The following PDE7B variants were observed in gnomAD, a reference collection of about 807,000 sequenced individuals.
PDE7B encodes phosphodiesterase 7B.
A neutral mutation model predicts 56.2 loss-of-function variants in PDE7B; 29 were observed. The observed-to-expected ratio is 0.52, with a 90% CI of 0.38 to 0.70. The LOEUF (loss-of-function observed/expected upper bound fraction) is 0.70. Ranked by LOEUF, PDE7B falls within the 30% of genes least tolerant of loss-of-function variation. PDE7B has a pLI of 0.00. For missense variants in PDE7B, 490 were observed against 565.0 expected, an observed-to-expected ratio of 0.87 and a Z score of 1.35; for synonymous variants, 197 against 196.9, an observed-to-expected ratio of 1.00 and a Z score of 0.00.
chr6:136,168,984 C>T (rs897091215), intron 8 of PDE7B, among the ~76,000 whole-genome samples: 1 of 152,054 alleles, frequency 6.6e-6, no homozygotes, highest in Non-Finnish European at 1.5e-5. Flanking sequence ...TGTGGTAGCA[C>T]AGAGAAAATT....
chr6:135,946,265 A>G lies in PDE7B; in HGVS notation c.22-1199A>G, dbSNP rs182324432. Among the ~76,000 whole-genome samples the G allele has an allele frequency of 4.0e-5, 6 of 151,102 alleles. No homozygotes were observed. In the East Asian group the frequency reaches 9.7e-4, roughly 24 times the overall value. ...ATATTCCAGATTTTTAATATTATGT[A>G]TTTCATATATACATATTATATATAT... On this transcript the variant is annotated intron_variant, in intron 1 of 12. Transcript: ENST00000308191.
At chr6:136,000,765 G>C (rs1201218451) in intron 2 of PDE7B, among the ~76,000 whole-genome samples, 2 of 152,172 alleles carry the variant, frequency 1.3e-5, no homozygotes, top group African/African-American at 4.8e-5. Flanking sequence ...CACCTCTGGG[G>C]GCAGGGCACA....
At chr6:136,007,546 C>A (rs993814781) in intron 2 of PDE7B, among the ~76,000 whole-genome samples, 1 of 151,836 alleles carries the variant, frequency 6.6e-6, no homozygotes, top group Non-Finnish European at 1.5e-5. Context: ...AATCTTAGTT[C>A]CCCTTTGTGT....
intron 1 of PDE7B, among the ~76,000 whole-genome samples, chr6:135,945,676 G>T (rs1269251437): frequency 6.6e-6 from 1 of 152,130 alleles, no homozygotes; most frequent in African/African-American, 2.4e-5. Context: ...TTACAACAAA[G>T]ATTGATGGGA....
chr6:135,877,036 A>G (rs776600493), intron 1 of PDE7B, among the ~76,000 whole-genome samples: 11 of 151,922 alleles, frequency 7.2e-5, no homozygotes, highest in Non-Finnish European at 1.6e-4. Context: ...ATCTTTAATT[A>G]CCATATATCT....
At chr6:135,934,893 A>G (rs1253565084) in intron 1 of PDE7B, among the ~76,000 whole-genome samples, 1 of 106,862 alleles carries the variant, frequency 9.4e-6, no homozygotes, top group Non-Finnish European at 1.7e-5. Flanking sequence ...ATTTAAATAT[A>G]TATTTAAATA....
chr6:136,037,682 A>T, intron 2 of PDE7B: 1 of 985,340 alleles, frequency 1.0e-6, no homozygotes, highest in Non-Finnish European at 1.2e-6. Flanking sequence ...CTCACCTGAC[A>T]CCTCCAGATA....
chr6:135,863,165 G>T (rs1157684237), intron 1 of PDE7B, among the ~76,000 whole-genome samples: 1 of 151,888 alleles, frequency 6.6e-6, no homozygotes, highest in Non-Finnish European at 1.5e-5. Flanking sequence ...TCAATTAGAA[G>T]ATTTATTCAT....
intron 1 of PDE7B, among the ~76,000 whole-genome samples, chr6:135,911,591 A>C (rs2128193833): frequency 6.6e-6 from 1 of 152,308 alleles, no homozygotes; most frequent in Admixed American, 6.5e-5. Flanking sequence ...CTGTGTTTGA[A>C]TATGATTTTT....
At chr6:135,976,442 AAGGGCTGC>A (rs1775189283) in intron 2 of PDE7B, among the ~76,000 whole-genome samples, 1 of 152,058 alleles carries the variant, frequency 6.6e-6, no homozygotes, top group Non-Finnish European at 1.5e-5. Flanking sequence ...CTACCTGGGG[AAGGGCTGC>A]AGTGATAATA....
At chr6:136,143,411 C>CACTA (rs1304257777) in intron 3 of PDE7B, among the ~76,000 whole-genome samples, 1 of 151,650 alleles carries the variant, frequency 6.6e-6, no homozygotes, top group African/African-American at 2.4e-5. Context: ...GGGAATGAGG[C>CACTA]ACTAGCCTTA....
At chr6:136,091,120 G>A (rs971280110) in intron 2 of PDE7B, among the ~76,000 whole-genome samples, 14 of 152,088 alleles carry the variant, frequency 9.2e-5, no homozygotes, top group Non-Finnish European at 2.1e-4. Context: ...ATGTGGGTTC[G>A]GTTACAAAGT....
rs1039834905 is a variant in PDE7B at position 136,076,404 on chromosome 6, C to T, written c.83-32327C>T. ...AGGAGAATTGCTTGAACCCAGGAGG[C>T]GGAGGTTGCAGTGAGCCAAGATTGC... On this transcript the variant is annotated intron_variant, in intron 2 of 12. Transcript: ENST00000308191. Among the ~76,000 whole-genome samples the T allele has an allele frequency of 2.0e-5, 3 of 151,960 alleles. No individual in the cohort carries two copies. In the East Asian group the frequency reaches 5.8e-4, roughly 29 times the overall value.
At chr6:136,054,049 CTTTAG>C (rs920457275) in intron 2 of PDE7B, among the ~76,000 whole-genome samples, 2 of 151,820 alleles carry the variant, frequency 1.3e-5, no homozygotes, top group Admixed American at 6.6e-5. Flanking sequence ...TGCAGAAGCT[CTTTAG>C]TTTAATTAGA....
intron 1 of PDE7B, among the ~76,000 whole-genome samples, chr6:135,916,388 C>CTTTTTTTTT (rs1242651132): frequency 1.2e-5 from 1 of 83,292 alleles, no homozygotes; most frequent in Non-Finnish European, 2.2e-5. Context: ...CTTTTCTTTT[C>CTTTTTTTTT]TTTCTTTTTT....
intron 1 of PDE7B, among the ~76,000 whole-genome samples, chr6:135,899,696 T>G (rs532076962): frequency 6.6e-6 from 1 of 152,138 alleles, no homozygotes; most frequent in East Asian, 1.9e-4. Context: ...AGTATACAAA[T>G]ATAATAATTT....
chr6:136,003,746 G>T (rs887337249), intron 2 of PDE7B, among the ~76,000 whole-genome samples: 25 of 152,174 alleles, frequency 1.6e-4, no homozygotes, highest in African/African-American at 5.3e-4. Context: ...GGACCAGATG[G>T]ATTCACAGCC....
intron 3 of PDE7B, among the ~76,000 whole-genome samples, chr6:136,130,378 A>T (rs1778097029): frequency 6.6e-6 from 1 of 151,882 alleles, no homozygotes; most frequent in African/African-American, 2.4e-5. Flanking sequence ...CTACCTGACC[A>T]CACCCCCTAC....
Position 135,947,291 on chromosome 6 carries a change from C to A in PDE7B, c.22-173C>A, listed in dbSNP as rs182959387. 1.4e-4 allele frequency among the ~76,000 whole-genome samples: 21 copies of A among 152,168 alleles called. 1 individual carries two copies. The East Asian group carries it at 3.9e-3, about 28-fold the overall frequency. Reference sequence around the variant, plus strand: ...AAACAATCTATTCCAACTTATCCCTCAAATATTTTACTACCAGGCAAGTCT... The same window carrying A: ...AAACAATCTATTCCAACTTATCCCTAAAATATTTTACTACCAGGCAAGTCT... On this transcript the variant is annotated intron_variant, in intron 1 of 12. Transcript: ENST00000308191.
Sources: gnomAD v4.1 joint callset for allele counts (sites outside exome capture counted in the v4.1 genomes callset) on GRCh38, gnomAD v4.1.1 for gene constraint, MANE v1.5 for transcripts, NCBI Gene and HGNC (gene_info 2026-07-23, HGNC 2026-07-21) for gene names.